The following CNTNAP2 variants were observed in gnomAD, a reference collection of about 807,000 sequenced individuals.
CNTNAP2 encodes the protein contactin associated protein 2.
In CNTNAP2, 98 loss-of-function variants were observed where a neutral mutation model predicts 155.2. The observed-to-expected ratio is 0.63, with a 90% CI of 0.54 to 0.75. The LOEUF (loss-of-function observed/expected upper bound fraction) is 0.75. Ranked by LOEUF, CNTNAP2 falls within the 30% of genes least tolerant of loss-of-function variation. The probability of loss-of-function intolerance (pLI) is 0.00; values close to 1 mark genes in which losing one functional copy is unlikely to be tolerated. For missense variants in CNTNAP2, 1,727 were observed against 1,688.1 expected (o/e 1.02, Z -0.40); for synonymous variants, 651 against 631.2 (o/e 1.03, Z -0.47).
intron 13 of CNTNAP2, among the ~76,000 whole-genome samples, chr7:147,701,957 A>G (rs980509792): frequency 6.6e-6 from 1 of 151,828 alleles, no homozygotes; most frequent in Admixed American, 6.6e-5. Flanking sequence ...CTGCATGAAT[A>G]TAAGCTTGTT....
chr7:146,258,542 T>A (rs1461249579), intron 1 of CNTNAP2, among the ~76,000 whole-genome samples: 1 of 152,222 alleles, frequency 6.6e-6, no homozygotes, highest in Non-Finnish European at 1.5e-5. Flanking sequence ...GAGGTTCTCT[T>A]ATTTACAATA....
chr7:146,901,865 T>C (rs994923382), intron 3 of CNTNAP2, among the ~76,000 whole-genome samples: 1 of 148,210 alleles, frequency 6.7e-6, no homozygotes, highest in African/African-American at 2.5e-5. Context: ...CTTGCATATA[T>C]GCTCCTTTTT....
chr7:146,997,137 G>T (rs1798327403), intron 3 of CNTNAP2, among the ~76,000 whole-genome samples: 1 of 152,010 alleles, frequency 6.6e-6, no homozygotes, highest in African/African-American at 2.4e-5. Flanking sequence ...TAATACAGTG[G>T]ATGTCCTTGT....
intron 13 of CNTNAP2, among the ~76,000 whole-genome samples, chr7:147,692,525 T>A (rs1243818336): frequency 6.6e-6 from 1 of 152,114 alleles, no homozygotes; most frequent in Non-Finnish European, 1.5e-5. Flanking sequence ...TTTCGTGTTG[T>A]CAGTGTTGCA....
At chr7:146,187,362 G>T (rs1487513629) in intron 1 of CNTNAP2, among the ~76,000 whole-genome samples, 1 of 152,168 alleles carries the variant, frequency 6.6e-6, no homozygotes, top group Non-Finnish European at 1.5e-5. Flanking sequence ...TTTGGCAATG[G>T]TAGAAGCAAA....
intron 17 of CNTNAP2, among the ~76,000 whole-genome samples, chr7:148,167,315 T>G (rs1466993343): frequency 6.6e-6 from 1 of 152,076 alleles, no homozygotes; most frequent in Non-Finnish European, 1.5e-5. Context: ...AATTTTGTAT[T>G]TTCAGTAGAG....
rs185285167 is a variant in CNTNAP2 at position 146,867,219 on chromosome 7, T to C, written c.402+27315T>C. Among the ~76,000 whole-genome samples, 633 of 152,250 alleles carry C rather than the reference T, an allele frequency of 4.2e-3. 2 individuals are homozygous for C. The highest frequency in any genetic ancestry group is 7.1e-3 in the Non-Finnish European group (484 of 68,004). On this transcript the variant is annotated intron_variant, in intron 3 of 23. Transcript: ENST00000361727. ...CCAGTGTCTGTTGTTTCCTTCCTTG[T>C]GTTCATAAGTTCTTATCATTAGGCT... is the stretch of plus-strand genomic sequence containing the variant.
At position 147,899,107 on chromosome 7, in the gene CNTNAP2, A is replaced by G. The variant is rs576989945; in HGVS notation, c.2099-4458A>G. 2.8e-3 allele frequency among the ~76,000 whole-genome samples: 421 copies of G among 152,346 alleles called. 2 individuals are homozygous for G. The highest frequency in any genetic ancestry group is 3.9e-3 in the Non-Finnish European group (266 of 68,034). ...TTCATCCCAGCACTTTGAGAGGCAGAAGCAGGTGAATCACTTGAGCCCAAA... is the reference window on the plus strand; with the variant it reads ...TTCATCCCAGCACTTTGAGAGGCAGGAGCAGGTGAATCACTTGAGCCCAAA... On this transcript the variant is annotated intron_variant, in intron 13 of 23. Transcript: ENST00000361727.
chr7:147,290,015 G>A (rs1305766808), intron 8 of CNTNAP2, among the ~76,000 whole-genome samples: 2 of 152,110 alleles, frequency 1.3e-5, no homozygotes, highest in Non-Finnish European at 2.9e-5. Flanking sequence ...GTTCTCATTA[G>A]TCAATATATA....
rs79299815 is a variant in CNTNAP2, at chr7:147,566,881, T to C, written c.1897+4624T>C. Among the ~76,000 whole-genome samples the C allele has an allele frequency of 7.6e-3, 1,156 of 152,182 alleles. 15 individuals are homozygous for C. Among genetic ancestry groups the C allele is most frequent in the African/African-American group, 0.027 (1,107 of 41,536 alleles). Reference sequence around the variant, plus strand: ...AAAAATATACATAATTGAGGGTAAGTAGAGAAAAAGTGTCTGAGAGCATTT... The same window carrying C: ...AAAAATATACATAATTGAGGGTAAGCAGAGAAAAAGTGTCTGAGAGCATTT... On this transcript the variant is annotated intron_variant, in intron 12 of 23. Transcript: ENST00000361727.
intron 1 of CNTNAP2, among the ~76,000 whole-genome samples, chr7:146,117,978 T>A (rs1447452867): frequency 2.0e-5 from 3 of 152,170 alleles, no homozygotes; most frequent in Non-Finnish European, 4.4e-5. Flanking sequence ...AAGGAAGATT[T>A]TTTTGTCCAT....
intron 1 of CNTNAP2, among the ~76,000 whole-genome samples, chr7:146,185,661 C>T (rs1371792237): frequency 6.6e-6 from 1 of 152,012 alleles, no homozygotes; most frequent in African/African-American, 2.4e-5. Flanking sequence ...ATTCCAAGGG[C>T]TTGATAAAGC....
intron 3 of CNTNAP2, among the ~76,000 whole-genome samples, chr7:146,991,749 C>T (rs1354793813): frequency 1.3e-5 from 2 of 152,074 alleles, no homozygotes; most frequent in Non-Finnish European, 2.9e-5. Flanking sequence ...AAGAAAAATG[C>T]TGAGATCGTT....
At chr7:147,673,409 T>TA (rs1182355998) in intron 13 of CNTNAP2, among the ~76,000 whole-genome samples, 1 of 152,286 alleles carries the variant, frequency 6.6e-6, no homozygotes, top group African/African-American at 2.4e-5. Context: ...TTCAGCTAAG[T>TA]AAAAAATGAG....
intron 10 of CNTNAP2, among the ~76,000 whole-genome samples, chr7:147,421,709 T>G (rs1473137133): frequency 6.6e-6 from 1 of 151,912 alleles, no homozygotes; most frequent in Non-Finnish European, 1.5e-5. Context: ...TAAAATGTTA[T>G]CAATGGGGCC....
At chr7:147,802,531 CG>C (rs1242612749) in intron 13 of CNTNAP2, among the ~76,000 whole-genome samples, 2 of 152,168 alleles carry the variant, frequency 1.3e-5, no homozygotes, top group African/African-American at 2.4e-5. Flanking sequence ...CCTGGCACCT[CG>C]GGAGGCCGAG....
At chr7:146,404,842 C>T (rs193103253) in intron 1 of CNTNAP2, among the ~76,000 whole-genome samples, 1 of 152,266 alleles carries the variant, frequency 6.6e-6, no homozygotes, top group East Asian at 1.9e-4. Context: ...TCATCCTTCA[C>T]ATGTCAACTC....
At chr7:146,385,379 A>G (rs1417722961) in intron 1 of CNTNAP2, among the ~76,000 whole-genome samples, 2 of 151,734 alleles carry the variant, frequency 1.3e-5, no homozygotes, top group African/African-American at 4.9e-5. Context: ...TTGGTTTTAA[A>G]ACTGGTAACT....
intron 13 of CNTNAP2, among the ~76,000 whole-genome samples, chr7:147,881,290 G>A (rs1164988726): frequency 1.3e-5 from 2 of 152,156 alleles, no homozygotes; most frequent in Admixed American, 6.5e-5. Flanking sequence ...TTAAGAATAT[G>A]GAACTGGAGT....
Sources: allele counts gnomAD v4.1 joint callset (sites outside exome capture counted in the v4.1 genomes callset), GRCh38; gene constraint gnomAD v4.1.1; transcripts MANE v1.5; gene names NCBI Gene and HGNC (gene_info 2026-07-23, HGNC 2026-07-21).